The following EPHA5 variants were observed in gnomAD, a reference collection of about 807,000 sequenced individuals.
The protein encoded by EPHA5 is ephrin type-A receptor 5.
A neutral mutation model predicts 105.0 loss-of-function variants in EPHA5; 60 were observed. The observed-to-expected ratio is 0.57, with a 90% CI of 0.46 to 0.71. The LOEUF is 0.71. Among genes scored for constraint, EPHA5 ranks in the 30% least tolerant of loss-of-function variants. The pLI, the probability that EPHA5 is intolerant of heterozygous loss-of-function variation, is 0.00. For missense variants in EPHA5, 1,218 were observed against 1,274.7 expected, an observed-to-expected ratio of 0.96 and a Z score of 0.68; for synonymous variants, 513 against 449.1, an observed-to-expected ratio of 1.14 and a Z score of -1.80.
At position 65,331,959 on chromosome 4, in the gene EPHA5, G is replaced by A. The variant is rs1314304511; in HGVS notation, c.2945+14C>T. ...CCCAGCAATTATGTAAAAATTATCAGAAAAATTACTCACTCCAAGGTCACC... is the reference window on the plus strand; with the variant it reads ...CCCAGCAATTATGTAAAAATTATCAAAAAAATTACTCACTCCAAGGTCACC... On this transcript the variant is annotated intron_variant, in intron 16 of 16. Transcript: ENST00000613740. 5 of 1,568,086 alleles carry A rather than the reference G, an allele frequency of 3.2e-6. No homozygotes were observed. The highest frequency in any genetic ancestry group is 4.3e-6 in the Non-Finnish European group (5 of 1,159,098).
At chr4:65,578,915 C>T (rs1033670765) in intron 3 of EPHA5, among the ~76,000 whole-genome samples, 19 of 151,442 alleles carry the variant, frequency 1.3e-4, no homozygotes, top group Admixed American at 7.2e-4. Context: ...TGCTAAAGAC[C>T]GCTATTAAAA....
chr4:65,365,666 TATATATATATATATATATATATA>T (rs1560458005), intron 10 of EPHA5, among the ~76,000 whole-genome samples: 2,492 of 96,164 alleles, frequency 0.026, 219 homozygotes, highest in Non-Finnish European at 0.04. Flanking sequence ...TATATATATA[TATATATATATATATATATATATA>T]GTGAAACATT....
intron 1 of EPHA5, among the ~76,000 whole-genome samples, chr4:65,660,280 T>C (rs1749445438): frequency 6.6e-6 from 1 of 152,128 alleles, no homozygotes. Flanking sequence ...TATTTCCTAA[T>C]CAAATTCCAA....
At chr4:65,424,001 AATT>A (rs1235042995) in intron 5 of EPHA5, among the ~76,000 whole-genome samples, 2 of 151,990 alleles carry the variant, frequency 1.3e-5, no homozygotes, top group Non-Finnish European at 2.9e-5. Context: ...TGCGAACTCT[AATT>A]ATTACATAAA....
chr4:65,444,114 T>G lies in EPHA5; in HGVS notation c.1403-23549A>C, dbSNP rs75715093. 2.0e-3 allele frequency among the ~76,000 whole-genome samples: 301 copies of G among 152,316 alleles called. 8 individuals carry two copies. In the East Asian group the frequency reaches 0.052, roughly 26 times the overall value. ...TTTTACTAATGTTGCTACCAAGTAA[T>G]TAGGCTACATGTTTTCATTAAAACT... On this transcript the variant is annotated intron_variant, in intron 5 of 16. Coordinates refer to ENST00000613740, the MANE Select transcript of EPHA5 (RefSeq NM_001281766.3).
intron 3 of EPHA5, among the ~76,000 whole-genome samples, chr4:65,509,566 T>C (rs890175800): frequency 2.0e-5 from 3 of 152,200 alleles, no homozygotes; most frequent in African/African-American, 7.2e-5. Flanking sequence ...ACTTAAACTT[T>C]ACGGTTATAT....
intron 3 of EPHA5, among the ~76,000 whole-genome samples, chr4:65,598,002 C>A (rs1743352896): frequency 6.6e-6 from 1 of 152,122 alleles, no homozygotes; most frequent in South Asian, 2.1e-4. Flanking sequence ...TACTCAGTCA[C>A]CTGCCAGCAC....
chr4:65,402,656 G>A (rs1343913504), intron 8 of EPHA5, among the ~76,000 whole-genome samples: 1 of 151,906 alleles, frequency 6.6e-6, no homozygotes, highest in Non-Finnish European at 1.5e-5. Flanking sequence ...AACCTCCATG[G>A]CTATAAATAT....
chr4:65,490,938 G>A (rs893811348), intron 4 of EPHA5, among the ~76,000 whole-genome samples: 16 of 152,108 alleles, frequency 1.1e-4, no homozygotes, highest in Non-Finnish European at 2.2e-4. Flanking sequence ...AGTAAAAGCA[G>A]AACGTTTTGC....
chr4:65,463,359 G>T (rs1490871549), intron 5 of EPHA5, among the ~76,000 whole-genome samples: 1 of 152,118 alleles, frequency 6.6e-6, no homozygotes, highest in Non-Finnish European at 1.5e-5. Context: ...TGATATCAGT[G>T]AAGTAAATCA....
intron 16 of EPHA5, among the ~76,000 whole-genome samples, chr4:65,326,196 A>G (rs1720066167): frequency 6.6e-6 from 1 of 150,966 alleles, no homozygotes; most frequent in Admixed American, 6.6e-5. Flanking sequence ...CAGATTTTTA[A>G]ATTTCCTTTT....
chr4:65,546,290 A>T (rs2149331292), intron 3 of EPHA5, among the ~76,000 whole-genome samples: 1 of 152,120 alleles, frequency 6.6e-6, no homozygotes, highest in East Asian at 1.9e-4. Flanking sequence ...TCAAGTTGCA[A>T]ATACACTGGA....
intron 3 of EPHA5, among the ~76,000 whole-genome samples, chr4:65,564,907 A>G (rs13145146): frequency 0.044 from 6,695 of 151,844 alleles, 199 homozygotes; most frequent in South Asian, 0.092. Flanking sequence ...ATTTCAAAAT[A>G]CTTTCACTGT....
chr4:65,650,516 C>T (rs574445937), intron 1 of EPHA5, among the ~76,000 whole-genome samples: 5 of 142,904 alleles, frequency 3.5e-5, no homozygotes, highest in Non-Finnish European at 6.0e-5. Flanking sequence ...GCCGAGATCG[C>T]GCCACTGCAC....
rs1053244594 is a variant in EPHA5 at position 65,323,458 on chromosome 4, C to T, written c.*656G>A. The T allele has an allele frequency of 1.3e-5, 3 of 229,860 alleles. No homozygotes were observed. Among genetic ancestry groups the T allele is most frequent in the Non-Finnish European group, 2.6e-5 (3 of 116,002 alleles). 14.2% of individuals were successfully genotyped at this position (229,860 alleles called of 1,614,324 possible). On this transcript the variant is annotated 3_prime_UTR_variant, in exon 17 of 17. Coordinates refer to ENST00000613740, the MANE Select transcript of EPHA5 (RefSeq NM_001281766.3). Reference sequence around the variant, plus strand: ...TATACAGTATATACACATTTATTACCTAATAATCTCTAGAAGAGCAACTAA... The same window carrying T: ...TATACAGTATATACACATTTATTACTTAATAATCTCTAGAAGAGCAACTAA...
intron 14 of EPHA5, among the ~76,000 whole-genome samples, chr4:65,338,821 T>G (rs1721430277): frequency 6.6e-6 from 1 of 152,186 alleles, no homozygotes; most frequent in Non-Finnish European, 1.5e-5. Context: ...ATTACTACTC[T>G]GGTAGGTTGT....
chr4:65,565,532 C>A (rs1004668195), intron 3 of EPHA5, among the ~76,000 whole-genome samples: 3 of 151,322 alleles, frequency 2.0e-5, no homozygotes, highest in African/African-American at 7.3e-5. Context: ...TATTTTACTT[C>A]AGTATTTTTG....
In EPHA5 at chr4:65,418,862, C is replaced by CT. The variant is rs575608289; in HGVS notation, c.1527+1578dup. On this transcript the variant is annotated intron_variant, in intron 6 of 16. Transcript: ENST00000613740. The stretch of plus-strand genomic sequence containing the variant: ...AACATTCAATACACTTACCTAAACT[C>CT]TTTTTTTTTTTTTTTTTTTTTTTTT... Among the ~76,000 whole-genome samples, 363 of 47,046 alleles carry CT rather than the reference C, an allele frequency of 7.7e-3. 50 individuals carry two copies. The highest frequency in any genetic ancestry group is 0.014 in the African/African-American group (131 of 9,078). 30.9% of individuals were successfully genotyped at this position (47,046 alleles called of 152,430 possible). A position where few individuals can be genotyped will look rare whatever the true frequency, so the allele number is the denominator to read the frequency against.
chr4:65,595,886 A>G (rs1458721543), intron 3 of EPHA5, among the ~76,000 whole-genome samples: 2 of 152,114 alleles, frequency 1.3e-5, no homozygotes, highest in African/African-American at 2.4e-5. Context: ...ATCTCACAAG[A>G]TTTTTATGAG....
Sources: allele counts gnomAD v4.1 joint callset (sites outside exome capture counted in the v4.1 genomes callset), GRCh38; gene constraint gnomAD v4.1.1; transcripts MANE v1.5; gene names NCBI Gene and HGNC (gene_info 2026-07-23, HGNC 2026-07-21).